The following FNBP1 variants were observed in gnomAD, a reference collection of about 807,000 sequenced individuals.
FNBP1 encodes formin binding protein 1, also known as formin-binding protein 1.
In FNBP1, 26 loss-of-function variants were observed where a neutral mutation model predicts 90.6. The observed-to-expected ratio is 0.29, with a 90% confidence interval of 0.21 to 0.40. The LOEUF is 0.40. Ranked by LOEUF, FNBP1 falls within the 10% of genes least tolerant of loss-of-function variation. FNBP1 has a pLI of 1.00. For synonymous variants in FNBP1, 260 were observed against 265.2 expected, an observed-to-expected ratio of 0.98 and a Z score of 0.19; for missense variants, 635 against 768.0, an observed-to-expected ratio of 0.83 and a Z score of 2.05.
At chr9:129,967,650 A>C (rs2048820238) in intron 4 of FNBP1, among the ~76,000 whole-genome samples, 2 of 152,202 alleles carry the variant, frequency 1.3e-5, no homozygotes, top group Admixed American at 1.3e-4. Flanking sequence ...TAGGCATCTA[A>C]GGAGAGATGT....
At chr9:129,952,197 A>T (rs1243141888) in intron 6 of FNBP1, among the ~76,000 whole-genome samples, 2 of 151,580 alleles carry the variant, frequency 1.3e-5, no homozygotes, top group Admixed American at 6.6e-5. Flanking sequence ...ATTTCAAAAC[A>T]AAAAAACAAA....
intron 1 of FNBP1, among the ~76,000 whole-genome samples, chr9:130,029,773 C>T (rs1006854973): frequency 6.6e-6 from 1 of 151,968 alleles, no homozygotes; most frequent in African/African-American, 2.4e-5. Context: ...CGCTTGGACT[C>T]AGGAGTTCAA....
chr9:129,994,784 A>G, intron 2 of FNBP1, 59 bp downstream of exon 2: 1 of 770,948 alleles, frequency 1.3e-6, no homozygotes, highest in African/African-American at 1.8e-5. Context: ...AAATGAGAAT[A>G]TACGTTATCC....
chr9:129,923,733 T>C (rs576084832), intron 10 of FNBP1, 111 bp downstream of exon 10: 1 of 1,187,716 alleles, frequency 8.4e-7, no homozygotes, highest in African/African-American at 1.6e-5. Flanking sequence ...TTAACTTTTT[T>C]ATATGTTATG....
intron 2 of FNBP1, among the ~76,000 whole-genome samples, chr9:129,991,752 T>C (rs918207505): frequency 6.6e-6 from 1 of 151,788 alleles, no homozygotes; most frequent in African/African-American, 2.4e-5. Flanking sequence ...CTCTGCCTTC[T>C]GGGTTCATGC....
intron 6 of FNBP1, among the ~76,000 whole-genome samples, chr9:129,943,326 T>C (rs2132389604): frequency 6.6e-6 from 1 of 152,134 alleles, no homozygotes; most frequent in Admixed American, 6.6e-5. Flanking sequence ...TCATTGATCG[T>C]TTTTATAATT....
chr9:130,030,418 G>C (rs1195201641), intron 1 of FNBP1, among the ~76,000 whole-genome samples: 1 of 134,722 alleles, frequency 7.4e-6, no homozygotes, highest in Non-Finnish European at 1.5e-5. Flanking sequence ...CTGGGTGACA[G>C]AGCAAGACTC....
chr9:130,030,046 C>T (rs1178417495), intron 1 of FNBP1, among the ~76,000 whole-genome samples: 2 of 151,864 alleles, frequency 1.3e-5, no homozygotes, highest in Non-Finnish European at 2.9e-5. Context: ...TTGGGGAATG[C>T]TAGAAAGTGA....
At chr9:129,948,017 G>A (rs1003243354) in intron 6 of FNBP1, among the ~76,000 whole-genome samples, 7 of 151,594 alleles carry the variant, frequency 4.6e-5, no homozygotes, top group Non-Finnish European at 8.8e-5. Flanking sequence ...GGGCAGGTGT[G>A]GTGGCTCACA....
chr9:129,964,961 CAAAG>C (rs770668228), intron 4 of FNBP1, among the ~76,000 whole-genome samples: 2 of 151,682 alleles, frequency 1.3e-5, no homozygotes, highest in Non-Finnish European at 2.9e-5. Context: ...CAGATGCAAA[CAAAG>C]AAACAAAAAG....
At chr9:130,043,244 G>A (rs2059998923), upstream of FNBP1, 3 of 299,956 alleles carry the variant, frequency 1.0e-5, no homozygotes, top group African/African-American at 2.2e-5. Context: ...GGGGCGGGAG[G>A]GGAGGGGCGG....
chr9:129,890,850 A>C lies in FNBP1; in HGVS notation c.1847-304T>G, dbSNP rs1193551163. The stretch of plus-strand genomic sequence containing the variant: ...CGTCTTTCTCATAAGTTTAGTTTTG[A>C]GAGAAAGTAAGAAACGGAGGCCGGG... On this transcript the variant is annotated intron_variant, in intron 16 of 16. Transcript: ENST00000446176. The surrounding 1 kb of genome is among the most constrained non-coding windows in gnomAD (Gnocchi z 5.8). Among the ~76,000 whole-genome samples the C allele has an allele frequency of 1.3e-5, 2 of 152,164 alleles. No homozygotes were observed. Among genetic ancestry groups the C allele is most frequent in the African/African-American group, 2.4e-5 (1 of 41,430 alleles).
chr9:130,048,109 C>T (rs1564651443), upstream of FNBP1, among the ~76,000 whole-genome samples: 1 of 151,498 alleles, frequency 6.6e-6, no homozygotes, highest in Non-Finnish European at 1.5e-5. Context: ...CGCTTGAGCC[C>T]ATGAGTTCAA....
chr9:129,890,648 G>GT lies in FNBP1; in HGVS notation c.1847-103_1847-102insA. On this transcript the variant is annotated intron_variant, in intron 16 of 16. Transcript: ENST00000446176. The surrounding 1 kb of genome is among the most constrained non-coding windows in gnomAD (Gnocchi z 5.8). ...CTTGGCTACAAACTGCACCGCCCTGGGAGGGGAGGGTAGTGGGAGGGGAGG... is the reference window on the plus strand; with the variant it reads ...CTTGGCTACAAACTGCACCGCCCTGGTGAGGGGAGGGTAGTGGGAGGGGAGG... The GT allele has an allele frequency of 1.2e-6, 1 of 844,974 alleles. No individual in the cohort carries two copies. Among genetic ancestry groups the GT allele is most frequent in the East Asian group, 2.7e-5 (1 of 37,684 alleles). 52.3% of individuals were successfully genotyped at this position (844,974 alleles called of 1,614,324 possible).
rs1324555399 is a variant in FNBP1, at chr9:129,957,591, A to C, written c.409-127T>G. 3.9e-6 allele frequency: 3 copies of C among 774,290 alleles called. No individual in the cohort carries two copies. The highest frequency in any genetic ancestry group is 1.8e-5 in the South Asian group (1 of 54,056). 48.0% of individuals were successfully genotyped at this position (774,290 alleles called of 1,614,324 possible). ...TCTTCAGTCAGGGTCTCACTTTGTCACCCAGGCTGGAGTGCAGTGGCGCCA... is the reference window on the plus strand; with the variant it reads ...TCTTCAGTCAGGGTCTCACTTTGTCCCCCAGGCTGGAGTGCAGTGGCGCCA... On this transcript the variant is annotated intron_variant, in intron 5 of 16. Transcript: ENST00000446176. This position sits in a 1 kb window ranked among gnomAD's most constrained non-coding sequence, Gnocchi z 4.3.
Position 130,043,029 on chromosome 9 carries a change from C to T in FNBP1, c.-54G>A. On this transcript the variant is annotated 5_prime_UTR_variant, in exon 1 of 17. Coordinates refer to ENST00000446176, the MANE Select transcript of FNBP1 (RefSeq NM_015033.3). Reference sequence around the variant, plus strand: ...CGCGGCGGGCGCGGCTCTCTGGTCCCCCTCCCCGGCGATCCCTTTGCCCCC... The same window carrying T: ...CGCGGCGGGCGCGGCTCTCTGGTCCTCCTCCCCGGCGATCCCTTTGCCCCC... 8.2e-7 allele frequency: 1 copy of T among 1,223,116 alleles called. No individual in the cohort carries two copies. The highest frequency in any genetic ancestry group is 1.0e-6 in the Non-Finnish European group (1 of 981,976). The allele number at this position is 1,223,116 out of a possible 1,614,324, so 75.8% of individuals were successfully genotyped here. A position where few individuals can be genotyped will look rare whatever the true frequency, so the allele number is the denominator to read the frequency against.
upstream of FNBP1, among the ~76,000 whole-genome samples, chr9:130,046,164 A>G (rs1275205954): frequency 6.6e-6 from 1 of 152,080 alleles, no homozygotes; most frequent in East Asian, 1.9e-4. Flanking sequence ...CTTTTTATAT[A>G]CTAATGAGAT....
intron 4 of FNBP1, among the ~76,000 whole-genome samples, chr9:129,971,834 T>C (rs1395687804): frequency 6.6e-6 from 1 of 152,264 alleles, no homozygotes; most frequent in Non-Finnish European, 1.5e-5. Context: ...GATTCATCCA[T>C]TTAAACACAG....
Position 129,900,241 on chromosome 9 carries a change from C to T in FNBP1, c.1551-140G>A, listed in dbSNP as rs1454053741. ...ACTGAGGCCATGGTAAATCATCGCA[C>T]GCTCAGATCACCCATCCCATGTGGA... On this transcript the variant is annotated intron_variant, in intron 14 of 16. Transcript: ENST00000446176. This position sits in a 1 kb window ranked among gnomAD's most constrained non-coding sequence, Gnocchi z 4.1. 7.0e-6 allele frequency: 8 copies of T among 1,137,466 alleles called. No individual in the cohort carries two copies. The highest frequency in any genetic ancestry group is 3.2e-5 in the African/African-American group (2 of 63,020). 70.5% of individuals were successfully genotyped at this position (1,137,466 alleles called of 1,614,324 possible).
Sources: allele counts gnomAD v4.1 joint callset (sites outside exome capture counted in the v4.1 genomes callset), GRCh38; gene constraint gnomAD v4.1.1; non-coding constraint Gnocchi (gnomAD v3.1); transcripts MANE v1.5; gene names NCBI Gene and HGNC (gene_info 2026-07-23, HGNC 2026-07-21).